Variants in ACAN observed in about 807,000 individuals in gnomAD.
ACAN encodes the protein aggrecan core protein.
ACAN carries 47 observed loss-of-function variants against 169.1 expected under a neutral mutation model. The ratio of observed to expected loss-of-function variants is 0.28; its 90% confidence interval spans 0.22 to 0.35. The LOEUF (loss-of-function observed/expected upper bound fraction) is 0.35, where lower values mean the gene tolerates loss of function less well. Among genes scored for constraint, ACAN ranks in the 10% least tolerant of loss-of-function variants. The pLI, the probability that ACAN is intolerant of heterozygous loss-of-function variation, is 1.00. For missense variants in ACAN, 2,716 were observed against 2,759.9 expected (o/e 0.98, Z 0.36); for synonymous variants, 1,115 against 1,112.2 (o/e 1.00, Z -0.05).
At position 88,851,836 on chromosome 15, in the gene ACAN, C is replaced by T; in HGVS notation, c.2069C>T (p.Thr690Ile). 6.2e-7 allele frequency: 1 copy of T among 1,609,704 alleles called. No homozygotes were observed. The highest frequency in any genetic ancestry group is 8.5e-7 in the Non-Finnish European group (1 of 1,178,020). Residue 690 changes from threonine to isoleucine, a missense_variant, in exon 11 of 19, where the codon ACA (threonine) becomes ATA (isoleucine). By Grantham distance (89) the Thr-to-Ile change is moderately conservative. This residue lies in a region of ACAN where 1,283 missense variants were observed against 1,281.5 expected (regional missense o/e 1.00). Coordinates refer to ENST00000560601, the MANE Select transcript of ACAN (RefSeq NM_001369268.1). The surrounding 1 kb of genome is among the most constrained non-coding windows in gnomAD (Gnocchi z 4.3). ...TCTCCAGGAGAAGAAGAGGGTGGCACACCCACATCACCCTCTGGTGTGGAG... is the reference window on the plus strand; with the variant it reads ...TCTCCAGGAGAAGAAGAGGGTGGCATACCCACATCACCCTCTGGTGTGGAG... ...VPSPGEEEGG[T>I]PTSPSGVEEW...
In ACAN at chr15:88,873,886, G is replaced by A. The variant is rs200180285; in HGVS notation, c.7492G>A (p.Gly2498Arg). 154 of 1,613,638 alleles carry A rather than the reference G, an allele frequency of 9.5e-5. 1 individual carries two copies. The highest frequency in any genetic ancestry group is 3.3e-4 in the Middle Eastern group (2 of 6,062). Residue 2498 changes from glycine to arginine, a missense_variant, in exon 18 of 19, where the codon GGG (glycine) becomes AGG (arginine). Gly to Arg is a moderately radical substitution (Grantham distance 125). Transcript: ENST00000560601. This position sits in a 1 kb window ranked among gnomAD's most constrained non-coding sequence, Gnocchi z 7.5. ...TGTGGTGGAGCATGCCAGGACCTTC[G>A]GGCAGAAGAAGGACCGGTATGAGAT... ...PPVVEHARTFGQKKDRYEINS... is the reference protein window; with the variant it reads ...PPVVEHARTFRQKKDRYEINS...
chr15:88,839,942 C>T lies in ACAN; in HGVS notation c.455-70C>T, dbSNP rs114283244. The T allele has an allele frequency of 5.2e-3, 7,870 of 1,527,302 alleles. 329 individuals are homozygous for T. The African/African-American group carries it at 0.096, about 19-fold the overall frequency. The allele number at this position is 1,527,302 out of a possible 1,614,324, so 94.6% of individuals were successfully genotyped here. A position where few individuals can be genotyped will look rare whatever the true frequency, so the allele number is the denominator to read the frequency against. On this transcript the variant is annotated intron_variant, in intron 3 of 18. Transcript: ENST00000560601. The surrounding 1 kb of genome is among the most constrained non-coding windows in gnomAD (Gnocchi z 4.5). Reference sequence around the variant, plus strand: ...CCCTTTGACTATTGCCATAATTCTGCGAGGGCCTCGGTGATCAGAGACTGT... The same window carrying T: ...CCCTTTGACTATTGCCATAATTCTGTGAGGGCCTCGGTGATCAGAGACTGT...
At position 88,859,397 on chromosome 15, in the gene ACAN, A is replaced by G; in HGVS notation, c.6812A>G (p.Glu2271Gly). 3.2e-6 allele frequency: 5 copies of G among 1,559,854 alleles called. No homozygotes were observed. The highest frequency in any genetic ancestry group is 4.3e-6 in the Non-Finnish European group (5 of 1,151,674). ...CCAGCTTCTCCGGAATGGAAACGTG[A>G]ATCAGAATCAACTGCTGCAGGTATT... The part of the protein sequence containing the change: ...SIPASPEWKR[E>G]SESTAAAPAR... Residue 2271 changes from glutamate to glycine, a missense_variant, in exon 12 of 19, where the codon GAA becomes GGA. Glu to Gly is a moderately conservative substitution (Grantham distance 98, BLOSUM62 -2). Around this residue, in one of 3 missense-constraint regions of ACAN, gnomAD observed 1,389 missense variants for 1,363.7 expected, o/e 1.02. Transcript: ENST00000560601.
Position 88,858,438 on chromosome 15 carries a change from C to T in ACAN, c.5853C>T (p.Ala1951=). ...AATCTGTAACCCAGGCTCCAACAGC[C>T]CAAGAGGCAGGAGAAGGGCCTTCTG... ...LVESVTQAPT[A]QEAGEGPSGI... The change falls in exon 12 of 19, where the codon GCC becomes GCT. Residue 1951 remains alanine (A), a synonymous_variant. Coordinates refer to ENST00000560601, the MANE Select transcript of ACAN (RefSeq NM_001369268.1). This position sits in a 1 kb window ranked among gnomAD's most constrained non-coding sequence, Gnocchi z 4.0. 6.2e-7 allele frequency: 1 copy of T among 1,613,674 alleles called. No homozygotes were observed. The highest frequency in any genetic ancestry group is 8.5e-7 in the Non-Finnish European group (1 of 1,179,886).
rs1596157149 is a variant in ACAN, at chr15:88,872,192, T to C, written c.7302+107T>C. On this transcript the variant is annotated intron_variant, in intron 16 of 18. Transcript: ENST00000560601. The surrounding 1 kb of genome is among the most constrained non-coding windows in gnomAD (Gnocchi z 5.4). ...CCCATGCAGACAGCCGCTTACCAGC[T>C]GCTGGACCGGGAACCCTTGAGGGCA... 1.0e-6 allele frequency: 1 copy of C among 976,514 alleles called. No individual in the cohort carries two copies. The highest frequency in any genetic ancestry group is 2.5e-5 in the East Asian group (1 of 39,982). The allele number at this position is 976,514 out of a possible 1,614,324, so 60.5% of individuals were successfully genotyped here.
At position 88,836,288 on chromosome 15, in the gene ACAN, C is replaced by A. The variant is rs778292021; in HGVS notation, c.70+12C>A. ...TGTAGAAACTTCAGGTGAGGACATT[C>A]CTATACATGTTTCACGTATTCAGTA... On this transcript the variant is annotated intron_variant, in intron 2 of 18. Coordinates refer to ENST00000560601, the MANE Select transcript of ACAN (RefSeq NM_001369268.1). 3 of 1,609,250 alleles carry A rather than the reference C, an allele frequency of 1.9e-6. No homozygotes were observed. Among genetic ancestry groups the A allele is most frequent in the South Asian group, 2.2e-5 (2 of 90,628 alleles).
rs1050333495 is a variant in ACAN at position 88,807,722 on chromosome 15, C to T, written c.-8+3913C>T. ...AAACGGTGGAGTTTACTTTTAAAAA[C>T]TCAGAGCCTCCTTATAAGTGGTGGA... On this transcript the variant is annotated intron_variant, in intron 1 of 18. Coordinates refer to ENST00000560601, the MANE Select transcript of ACAN (RefSeq NM_001369268.1). The surrounding 1 kb of genome is among the most constrained non-coding windows in gnomAD (Gnocchi z 4.0). 6.6e-6 allele frequency among the ~76,000 whole-genome samples: 1 copy of T among 150,838 alleles called. No individual in the cohort carries two copies. The highest frequency in any genetic ancestry group is 2.4e-5 in the African/African-American group (1 of 40,978).
chr15:88,813,467 T>C (rs141807115), intron 1 of ACAN, among the ~76,000 whole-genome samples: 11 of 152,352 alleles, frequency 7.2e-5, no homozygotes, highest in African/African-American at 2.6e-4. Context: ...GCTCATGTTC[T>C]GCCACCAGTG....
chr15:88,852,728 T>C (rs761418382), intron 11 of ACAN, among the ~76,000 whole-genome samples: 1 of 152,202 alleles, frequency 6.6e-6, no homozygotes. Flanking sequence ...GTGATAGATG[T>C]AGAGTGTCCC....
intron 1 of ACAN, among the ~76,000 whole-genome samples, chr15:88,821,651 G>A (rs1312517677): frequency 6.6e-6 from 1 of 152,162 alleles, no homozygotes; most frequent in East Asian, 1.9e-4. Context: ...GCCATGTGAG[G>A]TCCAGAAAGA....
intron 1 of ACAN, among the ~76,000 whole-genome samples, chr15:88,827,763 C>T (rs1896261197): frequency 6.6e-6 from 1 of 152,238 alleles, no homozygotes; most frequent in Non-Finnish European, 1.5e-5. Flanking sequence ...CAGCATCTCT[C>T]ATTTAAGTCC....
In ACAN at chr15:88,871,676, C is replaced by T. The variant is rs1897383657; in HGVS notation, c.7219+136C>T. The T allele has an allele frequency of 8.0e-7, 1 of 1,257,074 alleles. No individual in the cohort carries two copies. The highest frequency in any genetic ancestry group is 1.1e-6 in the Non-Finnish European group (1 of 926,214). The allele number at this position is 1,257,074 out of a possible 1,614,324, so 77.9% of individuals were successfully genotyped here. A position where few individuals can be genotyped will look rare whatever the true frequency, so the allele number is the denominator to read the frequency against. The stretch of plus-strand genomic sequence containing the variant: ...CCTGGGGGAGGGGGAACAGTGTTCC[C>T]ACAGTCTGAGCTCCCAGAGAGAAGA... On this transcript the variant is annotated intron_variant, in intron 15 of 18. Coordinates refer to ENST00000560601, the MANE Select transcript of ACAN (RefSeq NM_001369268.1). This position sits in a 1 kb window ranked among gnomAD's most constrained non-coding sequence, Gnocchi z 7.8.
At chr15:88,844,347 C>G (rs372462463) in intron 6 of ACAN, among the ~76,000 whole-genome samples, 2 of 138,820 alleles carry the variant, frequency 1.4e-5, no homozygotes, top group Middle Eastern at 4.6e-3. Context: ...GTTGCCCAGG[C>G]TGGGCAAAAT....
chr15:88,869,694 T>C lies in ACAN; in HGVS notation c.7060+1365T>C, dbSNP rs1472879053. 6.6e-6 allele frequency among the ~76,000 whole-genome samples: 1 copy of C among 152,132 alleles called. No homozygotes were observed. The highest frequency in any genetic ancestry group is 1.5e-5 in the Non-Finnish European group (1 of 68,014). ...ACCCTCACAGGGCTCTGTACCCTGATGGGGCAGAGAGATGGTGACAGAGCC... is the reference window on the plus strand; with the variant it reads ...ACCCTCACAGGGCTCTGTACCCTGACGGGGCAGAGAGATGGTGACAGAGCC... On this transcript the variant is annotated intron_variant, in intron 14 of 18. Transcript: ENST00000560601. The surrounding 1 kb of genome is among the most constrained non-coding windows in gnomAD (Gnocchi z 4.2).
Position 88,849,617 on chromosome 15 carries a change from A to G in ACAN, c.1912A>G (p.Thr638Ala). 6.2e-7 allele frequency: 1 copy of G among 1,611,540 alleles called. No homozygotes were observed. The highest frequency in any genetic ancestry group is 8.5e-7 in the Non-Finnish European group (1 of 1,179,214). Residue 638 changes from threonine to alanine, a missense_variant, in exon 10 of 19, where the codon ACC becomes GCC. Physicochemically the swap from Thr to Ala is moderately conservative, Grantham distance 58. This residue lies in a region of ACAN where 1,283 missense variants were observed against 1,281.5 expected (regional missense o/e 1.00). Coordinates refer to ENST00000560601, the MANE Select transcript of ACAN (RefSeq NM_001369268.1). The surrounding 1 kb of genome is among the most constrained non-coding windows in gnomAD (Gnocchi z 5.1). ...CGGCAGCCTCCGCTACCCCATCGTC[A>G]CCCCAAGGCCTGCCTGCGGTGGGGA... Reference protein sequence around the residue: ...ADGSLRYPIVTPRPACGGDKP... With the variant: ...ADGSLRYPIVAPRPACGGDKP...
chr15:88,872,951 T>A lies in ACAN; in HGVS notation c.7373T>A (p.Ile2458Asn). 6 of 1,613,840 alleles carry A rather than the reference T, an allele frequency of 3.7e-6. No homozygotes were observed. The highest frequency in any genetic ancestry group is 5.1e-6 in the Non-Finnish European group (6 of 1,179,908). Residue 2458 changes from isoleucine (I) to asparagine (N), a missense_variant, in exon 17 of 19, where the codon ATC (isoleucine) becomes AAC (asparagine). Physicochemically the swap from Ile to Asn is moderately radical, Grantham distance 149 (BLOSUM62 -3). Transcript: ENST00000560601. This position sits in a 1 kb window ranked among gnomAD's most constrained non-coding sequence, Gnocchi z 5.4. ...GCTGGAGAGGACTGTGTGGTGATGA[T>A]CTGGCACGAGAAGGGCGAGTGGAAT... ...FAAGEDCVVM[I>N]WHEKGEWNDV...
Position 88,845,742 on chromosome 15 carries a change from C to G in ACAN, c.1289C>G (p.Ala430Gly). 1 of 1,613,504 alleles carries G rather than the reference C, an allele frequency of 6.2e-7. No homozygotes were observed. Among genetic ancestry groups the G allele is most frequent in the Non-Finnish European group, 8.5e-7 (1 of 1,179,668 alleles). Residue 430 changes from alanine to glycine, a missense_variant, in exon 7 of 19, where the codon GCT becomes GGT. Physicochemically the swap from Ala to Gly is moderately conservative, Grantham distance 60. This residue lies in a region of ACAN where 1,283 missense variants were observed against 1,281.5 expected (regional missense o/e 1.00). Transcript: ENST00000560601. ...CCTGAAATAGGGGCCACTGCCTTCG[C>G]TGAGGTTGAGAATGAGACTGGAGAG... Reference protein sequence around the residue: ...FAPEIGATAFAEVENETGEAT... With the variant: ...FAPEIGATAFGEVENETGEAT...
chr15:88,867,757 A>G (rs1367810731), intron 13 of ACAN, among the ~76,000 whole-genome samples: 1 of 152,134 alleles, frequency 6.6e-6, no homozygotes, highest in African/African-American at 2.4e-5. Context: ...CATAACTACA[A>G]AGGAAGCCAG....
At chr15:88,837,047 G>A (rs1896522131) in intron 2 of ACAN, among the ~76,000 whole-genome samples, 1 of 152,194 alleles carries the variant, frequency 6.6e-6, no homozygotes, top group African/African-American at 2.4e-5. Flanking sequence ...GTCCCAGGAT[G>A]CCCAGAATTT....
Sources: gnomAD v4.1 joint callset for allele counts (sites outside exome capture counted in the v4.1 genomes callset) on GRCh38, gnomAD v4.1.1 for gene constraint, gnomAD v4.1.1 regional missense constraint, Gnocchi (gnomAD v3.1) non-coding constraint, MANE v1.5 for transcripts, NCBI Gene and HGNC (gene_info 2026-07-23, HGNC 2026-07-21) for gene names.